TPR: variants seen among roughly 807,000 people sequenced by gnomAD.
The protein encoded by TPR is translocated promoter region, nuclear basket protein.
A neutral mutation model predicts 316.1 loss-of-function variants in TPR; 51 were observed. The ratio of observed to expected loss-of-function variants is 0.16; its 90% CI spans 0.13 to 0.20. TPR has a LOEUF of 0.20. Ranked by LOEUF, TPR falls within the 10% of genes least tolerant of loss-of-function variation. The probability of loss-of-function intolerance (pLI) is 1.00; values close to 1 mark genes in which losing one functional copy is unlikely to be tolerated. For synonymous variants in TPR, 981 were observed against 914.7 expected (o/e 1.07, Z -1.31); for missense variants, 2,272 against 2,754.8 (o/e 0.82, Z 3.92).
chr1:186,326,338 G>C, intron 40 of TPR, 103 bp from the exon 41 acceptor site: 2 of 1,497,560 alleles, frequency 1.3e-6, no homozygotes, highest in Middle Eastern at 1.7e-4. Flanking sequence ...TCATTAATCA[G>C]AAGATAGGAA....
In TPR at chr1:186,320,402, C is replaced by T; in HGVS notation, c.6478G>A (p.Gly2160Ser). Residue 2160 changes from glycine (G) to serine (S), a missense_variant, in exon 46 of 51, where the codon GGT becomes AGT. By Grantham distance (56) the Gly-to-Ser change is moderately conservative. Around this residue, in one of 10 missense-constraint regions of TPR, gnomAD observed 88 missense variants for 176.2 expected, o/e 0.50. Coordinates refer to ENST00000367478, the MANE Select transcript of TPR (RefSeq NM_003292.3). ...GGCCCAAACCGGAATCTAGGGACACCAGCAACCTGCGGCGAACTAAATGGA... is the reference window on the plus strand; with the variant it reads ...GGCCCAAACCGGAATCTAGGGACACTAGCAACCTGCGGCGAACTAAATGGA... ...AEAIHSPQVA[G>S]VPRFRFGPPE... 6.2e-7 allele frequency: 1 copy of T among 1,609,994 alleles called. No homozygotes were observed. The highest frequency in any genetic ancestry group is 8.5e-7 in the Non-Finnish European group (1 of 1,177,662).
At position 186,313,090 on chromosome 1, in the gene TPR, T is replaced by C. The variant is rs542610053; in HGVS notation, c.*881A>G. 36 of 597,288 alleles carry C rather than the reference T, an allele frequency of 6.0e-5. No individual in the cohort carries two copies. The East Asian group carries it at 9.4e-4, about 16-fold the overall frequency. The allele number at this position is 597,288 out of a possible 1,614,324, so 37.0% of individuals were successfully genotyped here. A position where few individuals can be genotyped will look rare whatever the true frequency, so the allele number is the denominator to read the frequency against. ...TGATGGCACTGCAATTCAATTCTGC[T>C]CTAACCTTCATGAGATTACGATAAA... On this transcript the variant is annotated 3_prime_UTR_variant, in exon 51 of 51. Transcript: ENST00000367478.
chr1:186,343,491 T>C lies in TPR; in HGVS notation c.3603-18A>G. 1.3e-6 allele frequency: 2 copies of C among 1,593,598 alleles called. No homozygotes were observed. Among genetic ancestry groups the C allele is most frequent in the Middle Eastern group, 1.7e-4 (1 of 5,940 alleles). On this transcript the variant is annotated intron_variant, in intron 26 of 50. Coordinates refer to ENST00000367478, the MANE Select transcript of TPR (RefSeq NM_003292.3). ...GTATAAATCTACAAAAATACAGATA[T>C]TAAAATTTTATGTGAATTTTAAAAA... is the stretch of plus-strand genomic sequence containing the variant.
chr1:186,371,020 C>T lies in TPR; in HGVS notation c.280G>A (p.Glu94Lys), dbSNP rs1447147947. 4 of 1,612,890 alleles carry T rather than the reference C, an allele frequency of 2.5e-6. No homozygotes were observed. In the South Asian group the frequency reaches 4.4e-5, roughly 18 times the overall value. ...GCAATTTCAAGTTCTTTGTTTTTCT[C>T]AGTTAGTGCCTTCAGTTGATTGTCT... Reference protein sequence around the residue: ...KLNNQLKALTEKNKELEIAQD... With the variant: ...KLNNQLKALTKKNKELEIAQD... Residue 94 changes from glutamate (E) to lysine (K), a missense_variant, in exon 3 of 51, where the codon GAG (glutamate) becomes AAG (lysine). Around this residue, in one of 10 missense-constraint regions of TPR, gnomAD observed 549 missense variants for 598.6 expected, o/e 0.92. Coordinates refer to ENST00000367478, the MANE Select transcript of TPR (RefSeq NM_003292.3).
intron 3 of TPR, among the ~76,000 whole-genome samples, chr1:186,368,859 T>TAG (rs1225011957): frequency 6.6e-6 from 1 of 152,188 alleles, no homozygotes; most frequent in Non-Finnish European, 1.5e-5. Context: ...TATGTTCACT[T>TAG]CTCTGAGTTT....
chr1:186,366,126 T>C (rs1659335367), intron 4 of TPR, among the ~76,000 whole-genome samples: 1 of 152,180 alleles, frequency 6.6e-6, no homozygotes, highest in African/African-American at 2.4e-5. Context: ...GAAACATTTT[T>C]AGAGAAATGA....
chr1:186,343,155 T>G, intron 27 of TPR, 171 bp downstream of exon 27: 5 of 754,232 alleles, frequency 6.6e-6, no homozygotes, highest in Non-Finnish European at 9.3e-6. Context: ...TACAGAGCCT[T>G]TACTTTTAAG....
At chr1:186,326,828 T>C (rs3766708) in intron 40 of TPR, among the ~76,000 whole-genome samples, 92,424 of 146,768 alleles carry the variant, frequency 0.63, 29,210 homozygotes, top group Non-Finnish European at 0.65. Context: ...TTAGGTCTAA[T>C]TGATAACAAA....
At chr1:186,361,081 C>T (rs778253813) in intron 9 of TPR, among the ~76,000 whole-genome samples, 176 bp from the exon 10 acceptor site, 11 of 151,976 alleles carry the variant, frequency 7.2e-5, no homozygotes, top group Admixed American at 3.9e-4. Context: ...GAATTGTCTT[C>T]GCCTGGTGTT....
chr1:186,311,921 C>A lies in TPR; in HGVS notation c.*2050G>T. Reference sequence around the variant, plus strand: ...CAGTTTTAGTATATGTGCTGCCAAACTGAGCACTTGTCACTTTCAATTGAA... The same window carrying A: ...CAGTTTTAGTATATGTGCTGCCAAAATGAGCACTTGTCACTTTCAATTGAA... On this transcript the variant is annotated 3_prime_UTR_variant, in exon 51 of 51. Coordinates refer to ENST00000367478, the MANE Select transcript of TPR (RefSeq NM_003292.3). 1.9e-6 allele frequency: 1 copy of A among 540,002 alleles called. No individual in the cohort carries two copies. The highest frequency in any genetic ancestry group is 3.3e-6 in the Non-Finnish European group (1 of 306,470). 33.5% of individuals were successfully genotyped at this position (540,002 alleles called of 1,614,324 possible).
Position 186,346,297 on chromosome 1 carries a change from A to G in TPR, c.2944-10T>C. 4 of 1,606,152 alleles carry G rather than the reference A, an allele frequency of 2.5e-6. No individual in the cohort carries two copies. Among genetic ancestry groups the G allele is most frequent in the Non-Finnish European group, 1.7e-6 (2 of 1,176,760 alleles). ...GCACTTCTTCTGTCACCTTTACCAT[A>G]TTACAAACAGTAGGATATAAAAATT... On this transcript the variant is annotated splice_polypyrimidine_tract_variant and intron_variant, in intron 22 of 50. Coordinates refer to ENST00000367478, the MANE Select transcript of TPR (RefSeq NM_003292.3).
chr1:186,327,395 C>A, intron 40 of TPR, 65 bp downstream of exon 40: 1 of 1,522,304 alleles, frequency 6.6e-7, no homozygotes. Flanking sequence ...GCATTAGTAT[C>A]CCAAGGATTT....
chr1:186,371,150 A>G, intron 2 of TPR, 107 bp from the exon 3 acceptor site: 1 of 879,800 alleles, frequency 1.1e-6, no homozygotes, highest in South Asian at 1.5e-5. Context: ...AAAAAACAGA[A>G]GCCCAGAAAG....
At chr1:186,349,673 AAAAT>A (rs1558019552) in intron 21 of TPR, among the ~76,000 whole-genome samples, 8 of 139,786 alleles carry the variant, frequency 5.7e-5, no homozygotes, top group Non-Finnish European at 7.7e-5. Flanking sequence ...AAAAAAAAAA[AAAAT>A]AAATAAATAA....
In TPR at chr1:186,335,456, C is replaced by T. The variant is rs369991503; in HGVS notation, c.4793G>A (p.Arg1598His). The T allele has an allele frequency of 1.7e-5, 28 of 1,613,584 alleles. No individual in the cohort carries two copies. Among genetic ancestry groups the T allele is most frequent in the African/African-American group, 2.7e-5 (2 of 74,892 alleles). Residue 1598 changes from arginine to histidine, a missense_variant, in exon 34 of 51, where the codon CGC becomes CAC. Arg to His is a conservative substitution (Grantham distance 29). Transcript: ENST00000367478. Reference sequence around the variant, plus strand: ...ATATTGGGACTTTAGCGCAGTAATGCGAACATCCAATTCATCTTTCTGCTG... The same window carrying T: ...ATATTGGGACTTTAGCGCAGTAATGTGAACATCCAATTCATCTTTCTGCTG... ...LDQQKDELDV[R>H]ITALKSQYEG...
chr1:186,338,418 T>C (rs899002703), intron 30 of TPR, among the ~76,000 whole-genome samples, 175 bp from the exon 31 acceptor site: 2 of 152,138 alleles, frequency 1.3e-5, no homozygotes. Context: ...TTCGGCAAGA[T>C]CTTATTACAT....
chr1:186,335,733 AAT>A (rs993582630), intron 33 of TPR, among the ~76,000 whole-genome samples, 190 bp from the exon 34 acceptor site: 2 of 152,138 alleles, frequency 1.3e-5, no homozygotes, highest in African/African-American at 4.8e-5. Flanking sequence ...TAGAATATAA[AAT>A]ATACTTACTC....
chr1:186,344,384 T>C lies in TPR; in HGVS notation c.3408A>G (p.Arg1136=), dbSNP rs759186719. 6 of 1,613,220 alleles carry C rather than the reference T, an allele frequency of 3.7e-6. No homozygotes were observed. Among genetic ancestry groups the C allele is most frequent in the Non-Finnish European group, 4.2e-6 (5 of 1,179,676 alleles). Reference sequence around the variant, plus strand: ...AGATTTACAATAATACCTTTAACATTCTCTCTCTTTCCTCCCAAGATGCTT... The same window carrying C: ...AGATTTACAATAATACCTTTAACATCCTCTCTCTTTCCTCCCAAGATGCTT... ...ECKASWEERE[R]MLKDEVSKCV... is the part of the protein sequence containing the mutation. The change falls in exon 25 of 51, where the codon AGA becomes AGG. Residue 1136 remains arginine, a synonymous_variant. Coordinates refer to ENST00000367478, the MANE Select transcript of TPR (RefSeq NM_003292.3).
rs1374170430 is a variant in TPR, at chr1:186,325,953, T to A, written c.6022-99A>T. 9.0e-6 allele frequency: 14 copies of A among 1,549,920 alleles called. No individual in the cohort carries two copies. In the Admixed American group the frequency reaches 2.4e-4, roughly 27 times the overall value. ...CAAACCAAACCACAACAAAAACAAATAAGTAACCATAACAACAAAAAACAA... is the reference window on the plus strand; with the variant it reads ...CAAACCAAACCACAACAAAAACAAAAAAGTAACCATAACAACAAAAAACAA... On this transcript the variant is annotated intron_variant, in intron 41 of 50. Coordinates refer to ENST00000367478, the MANE Select transcript of TPR (RefSeq NM_003292.3).
Sources: gnomAD v4.1 joint callset for allele counts (sites outside exome capture counted in the v4.1 genomes callset) on GRCh38, gnomAD v4.1.1 for gene constraint, gnomAD v4.1.1 regional missense constraint, MANE v1.5 for transcripts, NCBI Gene and HGNC (gene_info 2026-07-23, HGNC 2026-07-21) for gene names.